The following ADAMDEC1 variants were observed in gnomAD, a reference collection of about 807,000 sequenced individuals.
The protein encoded by ADAMDEC1 is ADAM like decysin 1, also known as ADAM DEC1.
ADAMDEC1 carries 62 observed loss-of-function variants against 60.4 expected under a neutral mutation model. The ratio of observed to expected loss-of-function variants is 1.03; its 90% CI spans 0.84 to 1.27. The LOEUF is 1.27. Among genes scored for constraint, ADAMDEC1 ranks in the 50% most tolerant of loss-of-function variants. The probability of loss-of-function intolerance (pLI) is 0.00; values close to 1 mark genes in which losing one functional copy is unlikely to be tolerated. For synonymous variants in ADAMDEC1, 210 were observed against 195.1 expected (o/e 1.08, Z -0.64); for missense variants, 595 against 565.0 (o/e 1.05, Z -0.54).
intron 13 of ADAMDEC1, 29 bp from the exon 14 acceptor site, chr8:24,405,263 C>T (rs770985504): frequency 2.5e-5 from 41 of 1,608,736 alleles, no homozygotes; most frequent in Non-Finnish European, 3.2e-5. Context: ...ATAACCCTGG[C>T]TTCCAAATTT....
At chr8:24,396,130 C>CTT (rs1817603933) in intron 5 of ADAMDEC1, among the ~76,000 whole-genome samples, 1 of 152,178 alleles carries the variant, frequency 6.6e-6, no homozygotes, top group Non-Finnish European at 1.5e-5. Flanking sequence ...CACAGTTGAA[C>CTT]TTAATTTTAG....
Position 24,395,765 on chromosome 8 carries a change from G to T in ADAMDEC1, c.409G>T (p.Val137Phe). The change falls in exon 5 of 14, where the codon GTT becomes TTT. Residue 137 changes from valine to phenylalanine, a missense_variant. Physicochemically the swap from Val to Phe is conservative, Grantham distance 50. Transcript: ENST00000256412. ...KGNILNEKNS[V>F]ASISTCDGLR... ...AAACATCCTAAATGAAAAGAATTCT[G>T]TTGCCAGCATCAGTACTTGTGACGG... 1 of 1,613,494 alleles carries T rather than the reference G, an allele frequency of 6.2e-7. No homozygotes were observed. The highest frequency in any genetic ancestry group is 8.5e-7 in the Non-Finnish European group (1 of 1,179,792).
intron 12 of ADAMDEC1, among the ~76,000 whole-genome samples, chr8:24,402,824 G>C (rs1216869335): frequency 6.6e-6 from 1 of 152,156 alleles, no homozygotes; most frequent in East Asian, 1.9e-4. Flanking sequence ...GATTAGATCA[G>C]AAGACTACAC....
In ADAMDEC1 at chr8:24,403,984, T is replaced by G; in HGVS notation, c.1321-19T>G. ...AAAATGTTGAACCCACCTTTTTCCA[T>G]TGTGTGTGTGCTTTGAAGGAGTGTA... On this transcript the variant is annotated intron_variant, in intron 12 of 13. Transcript: ENST00000256412. 6.2e-7 allele frequency: 1 copy of G among 1,605,666 alleles called. No individual in the cohort carries two copies. Among genetic ancestry groups the G allele is most frequent in the Non-Finnish European group, 8.5e-7 (1 of 1,174,346 alleles).
In ADAMDEC1 at chr8:24,394,086, A is replaced by C. The variant is rs200750415; in HGVS notation, c.302A>C (p.Asp101Ala). 5.1e-5 allele frequency: 83 copies of C among 1,613,214 alleles called. No individual in the cohort carries two copies. The highest frequency in any genetic ancestry group is 4.9e-4 in the Middle Eastern group (3 of 6,074). ...LQKTKHLLGP[D>A]YTETLYSPRG... ...CTCTACAGGCACCTCCTGGGGCCAG[A>C]CTACACTGAAACATTGTACTCACCC... Residue 101 changes from aspartate (D) to alanine (A), a missense_variant, in exon 4 of 14, where the codon GAC becomes GCC. Coordinates refer to ENST00000256412, the MANE Select transcript of ADAMDEC1 (RefSeq NM_014479.3).
intron 1 of ADAMDEC1, among the ~76,000 whole-genome samples, chr8:24,389,506 T>C (rs1350080530): frequency 6.6e-6 from 1 of 152,200 alleles, no homozygotes; most frequent in Non-Finnish European, 1.5e-5. Flanking sequence ...TCTCTGATTC[T>C]ACACTTGCCT....
At chr8:24,397,895 G>T in intron 7 of ADAMDEC1, 150 bp downstream of exon 7, 1 of 663,936 alleles carries the variant, frequency 1.5e-6, no homozygotes, top group Non-Finnish European at 2.5e-6. Context: ...GCCAGCAATA[G>T]TTATCTCCTC....
At chr8:24,395,964 T>TA (rs1235626926) in intron 5 of ADAMDEC1, among the ~76,000 whole-genome samples, 168 bp downstream of exon 5, 1 of 152,176 alleles carries the variant, frequency 6.6e-6, no homozygotes, top group Non-Finnish European at 1.5e-5. Flanking sequence ...AATCATTTCA[T>TA]AATCTGCTGC....
Position 24,395,813 on chromosome 8 carries a change from A to G in ADAMDEC1, c.440+17A>G. 1 of 1,590,402 alleles carries G rather than the reference A, an allele frequency of 6.3e-7. No homozygotes were observed. Among genetic ancestry groups the G allele is most frequent in the Non-Finnish European group, 8.6e-7 (1 of 1,161,124 alleles). On this transcript the variant is annotated intron_variant, in intron 5 of 13. Transcript: ENST00000256412. ...CGGGTTGAGGTAAGAACTACCATCA[A>G]AATTACTCAAGATCAAGAAGCTTTT...
At chr8:24,404,626 G>A (rs1019710781) in intron 13 of ADAMDEC1, among the ~76,000 whole-genome samples, 2 of 152,034 alleles carry the variant, frequency 1.3e-5, no homozygotes, top group African/African-American at 4.8e-5. Flanking sequence ...TTGGAAAATG[G>A]TACTTGTTTC....
intron 3 of ADAMDEC1, among the ~76,000 whole-genome samples, 197 bp downstream of exon 3, chr8:24,393,535 T>C (rs1448814759): frequency 2.6e-5 from 4 of 152,200 alleles, no homozygotes; most frequent in Non-Finnish European, 5.9e-5. Context: ...GAATGGCATA[T>C]ATAAATGACT....
chr8:24,384,391 T>C lies in ADAMDEC1; in HGVS notation c.-114T>C, dbSNP rs12334642. The C allele has an allele frequency of 0.031, 25,808 of 834,136 alleles. 509 individuals are homozygous for C. The highest frequency in any genetic ancestry group is 0.078 in the East Asian group (2,746 of 35,148). The allele number at this position is 834,136 out of a possible 1,614,324, so 51.7% of individuals were successfully genotyped here. On this transcript the variant is annotated 5_prime_UTR_variant, in exon 1 of 14. Coordinates refer to ENST00000256412, the MANE Select transcript of ADAMDEC1 (RefSeq NM_014479.3). ...CAATTTTTTGACAATTTCCCAACACTCTTAAGAAACATTCCCCAATCTCAC... is the reference window on the plus strand; with the variant it reads ...CAATTTTTTGACAATTTCCCAACACCCTTAAGAAACATTCCCCAATCTCAC...
chr8:24,390,084 G>A, intron 1 of ADAMDEC1: 1 of 446,746 alleles, frequency 2.2e-6, no homozygotes, highest in Non-Finnish European at 4.4e-6. Flanking sequence ...AATTTTATAA[G>A]AGCATGGATC....
chr8:24,400,632 C>CATAT (rs35748437), intron 11 of ADAMDEC1, among the ~76,000 whole-genome samples: 166 of 145,866 alleles, frequency 1.1e-3, no homozygotes, highest in East Asian at 9.2e-3. Context: ...TGTTTCTTTT[C>CATAT]ATATATATAT....
intron 6 of ADAMDEC1, 82 bp downstream of exon 6, chr8:24,397,538 G>T (rs1019687041): frequency 6.6e-7 from 1 of 1,519,018 alleles, no homozygotes; most frequent in Non-Finnish European, 9.0e-7. Flanking sequence ...TTAGAAATGA[G>T]TAGTATGTGT....
intron 11 of ADAMDEC1, 143 bp downstream of exon 11, chr8:24,400,443 A>G: frequency 8.5e-6 from 8 of 938,376 alleles, no homozygotes; most frequent in Non-Finnish European, 1.2e-5. Flanking sequence ...TATAAAATAC[A>G]TACTAATCAA....
chr8:24,388,538 T>C (rs1817354856), intron 1 of ADAMDEC1, among the ~76,000 whole-genome samples: 1 of 152,152 alleles, frequency 6.6e-6, no homozygotes, highest in Non-Finnish European at 1.5e-5. Context: ...TTTCATTTGG[T>C]GAACTCCTAC....
chr8:24,384,677 T>C (rs768584803), intron 1 of ADAMDEC1, 85 bp downstream of exon 1: 59 of 1,279,300 alleles, frequency 4.6e-5, no homozygotes, highest in Admixed American at 7.2e-5. Context: ...AAATGGCATA[T>C]GTTTTTATGG....
At chr8:24,402,364 G>C (rs1354976102) in intron 12 of ADAMDEC1, among the ~76,000 whole-genome samples, 1 of 152,074 alleles carries the variant, frequency 6.6e-6, no homozygotes, top group African/African-American at 2.4e-5. Context: ...ACGTGTATTA[G>C]TCAGAAATCC....
Sources: gnomAD v4.1 joint callset for allele counts (sites outside exome capture counted in the v4.1 genomes callset) on GRCh38, gnomAD v4.1.1 for gene constraint, MANE v1.5 for transcripts, NCBI Gene and HGNC (gene_info 2026-07-23, HGNC 2026-07-21) for gene names.